ACOX1: variants seen among roughly 807,000 people sequenced by gnomAD.
ACOX1 encodes the protein peroxisomal acyl-coenzyme A oxidase 1.
A neutral mutation model predicts 75.5 loss-of-function variants in ACOX1; 41 were observed. That is an observed-to-expected ratio of 0.54 (90% CI 0.42 to 0.70). The LOEUF is 0.70. ACOX1 is among the 30% of genes least tolerant of loss of function. The pLI is 0.00. For synonymous variants in ACOX1, 303 were observed against 298.8 expected (o/e 1.01, Z -0.15); for missense variants, 630 against 837.5 (o/e 0.75, Z 3.06).
Position 75,948,164 on chromosome 17 carries a change from C to G in ACOX1, c.1935+87G>C, listed in dbSNP as rs184927400. 9.9e-4 allele frequency: 1,374 copies of G among 1,386,618 alleles called. 1 individual carries two copies. Among genetic ancestry groups the G allele is most frequent in the Admixed American group, 3.5e-3 (197 of 56,474 alleles). 85.9% of individuals were successfully genotyped at this position (1,386,618 alleles called of 1,614,324 possible). A position where few individuals can be genotyped will look rare whatever the true frequency, so the allele number is the denominator to read the frequency against. ...GTGGCCATGGTACTTTCAGAGCTTT[C>G]ACAGATAAATCCCCTTCGAGAGGCC... On this transcript the variant is annotated intron_variant, in intron 13 of 13. Coordinates refer to ENST00000293217, the MANE Select transcript of ACOX1 (RefSeq NM_004035.7).
Position 75,956,969 on chromosome 17 carries a change from CTCTATATATATATATATATATA to C in ACOX1, c.538+468_538+489del, listed in dbSNP as rs1567878044. Reference sequence around the variant, plus strand: ...TCTCTCTCTCTCTCTCTCTCTCTCTCTCTATATATATATATATATATATATATATATATATATATACACACAC... The same window carrying C: ...TCTCTCTCTCTCTCTCTCTCTCTCTCTATATATATATATATATACACACAC... On this transcript the variant is annotated intron_variant, in intron 4 of 13. Coordinates refer to ENST00000293217, the MANE Select transcript of ACOX1 (RefSeq NM_004035.7). Among the ~76,000 whole-genome samples, 46 of 9,030 alleles carry C rather than the reference CTCTATATATATATATATATATA, an allele frequency of 5.1e-3. 1 individual carries two copies. The highest frequency in any genetic ancestry group is 0.029 in the East Asian group (9 of 308). 5.9% of individuals were successfully genotyped at this position (9,030 alleles called of 152,430 possible).
intron 2 of ACOX1, among the ~76,000 whole-genome samples, chr17:75,963,808 G>A (rs988806573): frequency 6.6e-6 from 1 of 151,830 alleles, no homozygotes; most frequent in African/African-American, 2.4e-5. Context: ...GTCACCACTG[G>A]TAGAGACTCC....
chr17:75,970,747 G>C (rs2065986394), intron 2 of ACOX1, among the ~76,000 whole-genome samples: 1 of 152,168 alleles, frequency 6.6e-6, no homozygotes, highest in African/African-American at 2.4e-5. Context: ...AATTTAAATA[G>C]TTAGATCTCA....
chr17:75,956,267 A>G (rs2065823113), intron 4 of ACOX1, among the ~76,000 whole-genome samples: 1 of 152,204 alleles, frequency 6.6e-6, no homozygotes, highest in Non-Finnish European at 1.5e-5. Flanking sequence ...CACTAGCTAC[A>G]TGTGGCTTCT....
chr17:75,972,667 A>G (rs1202539581), intron 2 of ACOX1, among the ~76,000 whole-genome samples: 1 of 145,968 alleles, frequency 6.9e-6, no homozygotes, highest in Non-Finnish European at 1.5e-5. Context: ...AAAAAAAAAG[A>G]ATCTTATCTT....
rs557508852 is a variant in ACOX1 at position 75,960,971 on chromosome 17, T to C, written c.270-596A>G. On this transcript the variant is annotated intron_variant, in intron 2 of 13. Coordinates refer to ENST00000293217, the MANE Select transcript of ACOX1 (RefSeq NM_004035.7). The surrounding 1 kb of genome is among the most constrained non-coding windows in gnomAD (Gnocchi z 4.4). ...TCCAGCCTGGGTGACAGAGTGAGAC[T>C]CTGTCTCAAAAAAAATAAATAAATA... 6.6e-6 allele frequency among the ~76,000 whole-genome samples: 1 copy of C among 151,000 alleles called. No homozygotes were observed. The highest frequency in any genetic ancestry group is 1.5e-5 in the Non-Finnish European group (1 of 67,852).
At chr17:75,961,388 C>T (rs1238895789) in intron 2 of ACOX1, among the ~76,000 whole-genome samples, 7 of 139,082 alleles carry the variant, frequency 5.0e-5, no homozygotes, top group Admixed American at 2.2e-4. Context: ...GGGAGGCTGA[C>T]GCAGGCGGAT....
At position 75,941,678 on chromosome 17, in the gene ACOX1, C is replaced by A. The variant is rs1340033652; in HGVS notation, c.*5070G>T. The A allele has an allele frequency of 6.6e-6, 1 of 152,310 alleles. No individual in the cohort carries two copies. Among genetic ancestry groups the A allele is most frequent in the Non-Finnish European group, 1.5e-5 (1 of 68,112 alleles). The allele number at this position is 152,310 out of a possible 1,614,324, so 9.4% of individuals were successfully genotyped here. A position where few individuals can be genotyped will look rare whatever the true frequency, so the allele number is the denominator to read the frequency against. ...CCCTCGTCCTCCCACCCCTACCCCA[C>A]AGGACACCATTAAGCCAGGGCTGGG... is the stretch of plus-strand genomic sequence containing the variant. On this transcript the variant is annotated 3_prime_UTR_variant, in exon 14 of 14. Coordinates refer to ENST00000293217, the MANE Select transcript of ACOX1 (RefSeq NM_004035.7).
rs2065754241 is a variant in ACOX1, at chr17:75,949,544, T to C, written c.1535A>G (p.Lys512Arg). ...LQKEVIHRKS[K>R]EVAWNLTSVD... ...AGAAGTTAGGTTCCAAGCTACCTCC[T>C]TGCTTTTTCTGTGAATCACTTCTTT... The change falls in exon 11 of 14, where the codon AAG becomes AGG. Residue 512 changes from lysine (K) to arginine (R), a missense_variant. Coordinates refer to ENST00000293217, the MANE Select transcript of ACOX1 (RefSeq NM_004035.7). 2 of 1,614,218 alleles carry C rather than the reference T, an allele frequency of 1.2e-6. No individual in the cohort carries two copies. The highest frequency in any genetic ancestry group is 1.3e-5 in the African/African-American group (1 of 75,064).
Position 75,945,406 on chromosome 17 carries a change from A to G in ACOX1, c.*1342T>C, listed in dbSNP as rs907032872. 5 of 152,150 alleles carry G rather than the reference A, an allele frequency of 3.3e-5. No individual in the cohort carries two copies. The highest frequency in any genetic ancestry group is 4.8e-5 in the African/African-American group (2 of 41,414). 9.4% of individuals were successfully genotyped at this position (152,150 alleles called of 1,614,324 possible). A position where few individuals can be genotyped will look rare whatever the true frequency, so the allele number is the denominator to read the frequency against. On this transcript the variant is annotated 3_prime_UTR_variant, in exon 14 of 14. Coordinates refer to ENST00000293217, the MANE Select transcript of ACOX1 (RefSeq NM_004035.7). ...ACATGTAGCATTTCTGCTGTAACCT[A>G]TAAGTCTCATATTACCAGTTCCCCA...
chr17:75,976,892 G>C (rs1291233436), intron 2 of ACOX1, among the ~76,000 whole-genome samples: 1 of 147,988 alleles, frequency 6.8e-6, no homozygotes, highest in African/African-American at 2.5e-5. Flanking sequence ...ACCTAAAAGA[G>C]AAAATGCCCA....
chr17:75,968,808 GCT>G (rs2065966125), intron 2 of ACOX1, among the ~76,000 whole-genome samples: 1 of 151,158 alleles, frequency 6.6e-6, no homozygotes, highest in African/African-American at 2.4e-5. Flanking sequence ...TGTAATCCCA[GCT>G]ACTCAGGAGG....
Position 75,950,886 on chromosome 17 carries a change from A to C in ACOX1, c.1186T>G (p.Cys396Gly). Residue 396 changes from cysteine to glycine, a missense_variant, in exon 9 of 14, where the codon TGT becomes GGT. Physicochemically the swap from Cys to Gly is radical, Grantham distance 159. Coordinates refer to ENST00000293217, the MANE Select transcript of ACOX1 (RefSeq NM_004035.7). The surrounding 1 kb of genome is among the most constrained non-coding windows in gnomAD (Gnocchi z 4.3). ...NTGIEACRMACGGHGYSHCSG... is the reference protein window; with the variant it reads ...NTGIEACRMAGGGHGYSHCSG... ...CAATGAGAATAGCCATGCCCACCAC[A>C]AGCCATCCGACATGCTTCAATGCCA... 6.2e-7 allele frequency: 1 copy of C among 1,614,164 alleles called. No homozygotes were observed. The highest frequency in any genetic ancestry group is 1.1e-5 in the South Asian group (1 of 91,088).
intron 10 of ACOX1, 26 bp from the exon 11 acceptor site, chr17:75,949,626 G>A (rs374558539): frequency 1.9e-5 from 30 of 1,613,116 alleles, no homozygotes; most frequent in Non-Finnish European, 2.5e-5. Flanking sequence ...TTGGAGGTCT[G>A]AGGAAATGAT....
chr17:75,948,396 G>C lies in ACOX1; in HGVS notation c.1790C>G (p.Thr597Ser), dbSNP rs376148124. Residue 597 changes from threonine to serine, a missense_variant, in exon 13 of 14, where the codon ACT becomes AGT. Around this residue, in one of 2 missense-constraint regions of ACOX1, gnomAD observed 240 missense variants for 262.7 expected, o/e 0.91. Coordinates refer to ENST00000293217, the MANE Select transcript of ACOX1 (RefSeq NM_004035.7). ...QVNQRVKELL[T>S]LIRSDAVALV... ...AGCAACAGCATCTGAGCGAATCAGA[G>C]TGAGTAACTCCTTTACACGCTGGTT... 6 of 1,614,038 alleles carry C rather than the reference G, an allele frequency of 3.7e-6. No homozygotes were observed. The highest frequency in any genetic ancestry group is 4.2e-6 in the Non-Finnish European group (5 of 1,180,020).
intron 6 of ACOX1, among the ~76,000 whole-genome samples, chr17:75,954,756 G>C (rs2065808538): frequency 6.7e-6 from 1 of 150,262 alleles, no homozygotes; most frequent in East Asian, 2.0e-4. Context: ...ATTTTTAGTA[G>C]AGACAGGTTT....
intron 6 of ACOX1, among the ~76,000 whole-genome samples, chr17:75,955,260 T>TCAAGTGATCCTCCCACCCC (rs2065813440): frequency 6.6e-6 from 1 of 151,966 alleles, no homozygotes; most frequent in African/African-American, 2.4e-5. Flanking sequence ...CCTCCCAGGC[T>TCAAGTGATCCTCCCACCCC]CAAGTGATCC....
intron 2 of ACOX1, among the ~76,000 whole-genome samples, chr17:75,972,914 T>A (rs894756762): frequency 6.6e-6 from 1 of 152,204 alleles, no homozygotes; most frequent in Non-Finnish European, 1.5e-5. Context: ...CTTTCTTTAC[T>A]CCTGCCATTT....
rs767935600 is a variant in ACOX1, at chr17:75,950,949, C to A, written c.1123G>T (p.Ala375Ser). The A allele has an allele frequency of 6.2e-7, 1 of 1,614,036 alleles. No homozygotes were observed. Among genetic ancestry groups the A allele is most frequent in the South Asian group, 1.1e-5 (1 of 91,072 alleles). ...CAGGAGGTGAAAGCCTTCAGTCCAG[C>A]GGTGAGGGCATGAAGCTGAGAGGAC... Reference protein sequence around the residue: ...SELPELHALTAGLKAFTSWTA... With the variant: ...SELPELHALTSGLKAFTSWTA... Residue 375 changes from alanine (A) to serine (S), a missense_variant, in exon 9 of 14, where the codon GCT (alanine) becomes TCT (serine). Ala to Ser is a moderately conservative substitution (Grantham distance 99). This residue lies in a region of ACOX1 where 390 missense variants were observed against 574.9 expected (regional missense o/e 0.68). Coordinates refer to ENST00000293217, the MANE Select transcript of ACOX1 (RefSeq NM_004035.7). This position sits in a 1 kb window ranked among gnomAD's most constrained non-coding sequence, Gnocchi z 4.3.
Sources: gnomAD v4.1 joint callset for allele counts (sites outside exome capture counted in the v4.1 genomes callset) on GRCh38, gnomAD v4.1.1 for gene constraint, gnomAD v4.1.1 regional missense constraint, Gnocchi (gnomAD v3.1) non-coding constraint, MANE v1.5 for transcripts, NCBI Gene and HGNC (gene_info 2026-07-23, HGNC 2026-07-21) for gene names.